The following ROBO2 variants were observed in gnomAD, a reference collection of about 807,000 sequenced individuals.
ROBO2 encodes roundabout homolog 2.
A neutral mutation model predicts 160.8 loss-of-function variants in ROBO2; 53 were observed. The observed-to-expected ratio is 0.33, with a 90% CI of 0.26 to 0.41. ROBO2 has a LOEUF of 0.41. ROBO2 is among the 10% of genes least tolerant of loss of function. The pLI, the probability that ROBO2 is intolerant of heterozygous loss-of-function variation, is 1.00. For missense variants in ROBO2, 1,577 were observed against 1,722.4 expected (o/e 0.92, Z 1.49); for synonymous variants, 664 against 611.7 (o/e 1.09, Z -1.26).
intron 2 of ROBO2, among the ~76,000 whole-genome samples, chr3:76,720,284 G>C (rs1286542677): frequency 1.2e-4 from 18 of 152,118 alleles, no homozygotes; most frequent in Non-Finnish European, 2.9e-5. Context: ...CCTGAAATGT[G>C]AGGAAAGGAA....
intron 2 of ROBO2, among the ~76,000 whole-genome samples, chr3:76,017,085 C>G (rs1388750825): frequency 6.6e-6 from 1 of 152,108 alleles, no homozygotes; most frequent in African/African-American, 2.4e-5. Context: ...GAAAGAATGC[C>G]TTTTCTTCTG....
intron 2 of ROBO2, among the ~76,000 whole-genome samples, chr3:76,507,245 A>G (rs1040832127): frequency 2.0e-5 from 3 of 152,106 alleles, no homozygotes; most frequent in South Asian, 2.1e-4. Context: ...GCATGAAGAT[A>G]ATAAGTTTTA....
At chr3:77,310,830 G>T (rs1425887726) in intron 2 of ROBO2, among the ~76,000 whole-genome samples, 10 of 149,104 alleles carry the variant, frequency 6.7e-5, no homozygotes, top group Non-Finnish European at 1.5e-4. Context: ...ATTCAGTGTG[G>T]ATAGTAGTTT....
rs1368030643 is a variant in ROBO2 at position 76,722,838 on chromosome 3, A to G, written c.110-375176A>G. On this transcript the variant is annotated intron_variant, in intron 2 of 26. Coordinates refer to the ROBO2 transcript ENST00000487694. ...GTGTTTCATCACATTTTGGTTATCA[A>G]TTTACCAGTTAATGGGCATTGGATT... Among the ~76,000 whole-genome samples, 4 of 152,172 alleles carry G rather than the reference A, an allele frequency of 2.6e-5. No homozygotes were observed. In the East Asian group the frequency reaches 7.7e-4, roughly 29 times the overall value.
intron 2 of ROBO2, among the ~76,000 whole-genome samples, chr3:76,652,639 A>G (rs2109906873): frequency 6.6e-6 from 1 of 152,286 alleles, no homozygotes; most frequent in East Asian, 1.9e-4. Flanking sequence ...TTTATACTTC[A>G]TGACTTTTTG....
chr3:76,797,301 AAAT>A (rs1347502427), intron 2 of ROBO2, among the ~76,000 whole-genome samples: 3 of 152,154 alleles, frequency 2.0e-5, no homozygotes, highest in Non-Finnish European at 2.9e-5. Context: ...AAGAAACTAC[AAAT>A]ATGTGGAAAT....
At chr3:76,499,538 C>T (rs912145932) in intron 2 of ROBO2, among the ~76,000 whole-genome samples, 42 of 152,120 alleles carry the variant, frequency 2.8e-4, no homozygotes, top group Admixed American at 6.6e-5. Context: ...TCTGGACAAA[C>T]ATTATGGAAA....
intron 2 of ROBO2, among the ~76,000 whole-genome samples, chr3:76,019,236 A>G (rs1349565217): frequency 6.6e-6 from 1 of 151,166 alleles, no homozygotes; most frequent in Non-Finnish European, 1.5e-5. Flanking sequence ...ATTGTCTAAT[A>G]TTTGCGTTAT....
Position 76,342,901 on chromosome 3 carries a change from C to T in ROBO2, c.109+405299C>T, listed in dbSNP as rs961086759. ...ATTAGTGACACAGTTGTTTGAATGG[C>T]CAATTTTATGTAACTACAGAATGAT... is the stretch of plus-strand genomic sequence containing the variant. On this transcript the variant is annotated intron_variant, in intron 2 of 26. Coordinates refer to the ROBO2 transcript ENST00000487694. 7.2e-5 allele frequency among the ~76,000 whole-genome samples: 11 copies of T among 151,998 alleles called. No homozygotes were observed. The East Asian group carries it at 1.9e-3, about 27-fold the overall frequency.
At chr3:76,798,354 CA>C (rs759119524) in intron 2 of ROBO2, among the ~76,000 whole-genome samples, 106 of 151,812 alleles carry the variant, frequency 7.0e-4, no homozygotes, top group Non-Finnish European at 1.0e-3. Context: ...TTATGTTGAG[CA>C]TTTATGCAAA....
intron 2 of ROBO2, among the ~76,000 whole-genome samples, chr3:77,266,187 ACTT>A (rs2059111327): frequency 6.7e-6 from 1 of 148,908 alleles, no homozygotes; most frequent in South Asian, 2.1e-4. Flanking sequence ...ATTTATTTCT[ACTT>A]TTTTTTTTTT....
chr3:76,494,266 A>G (rs1232124851), intron 2 of ROBO2, among the ~76,000 whole-genome samples: 1 of 152,228 alleles, frequency 6.6e-6, no homozygotes, highest in Non-Finnish European at 1.5e-5. Context: ...CTACCCTCTT[A>G]GGGTACTTTA....
intron 2 of ROBO2, among the ~76,000 whole-genome samples, chr3:76,453,926 G>A (rs1181651677): frequency 6.6e-6 from 1 of 151,998 alleles, no homozygotes; most frequent in Non-Finnish European, 1.5e-5. Flanking sequence ...AAAGAAATAA[G>A]GACATTCATG....
intron 2 of ROBO2, among the ~76,000 whole-genome samples, chr3:77,440,687 G>A (rs2079824718): frequency 6.6e-6 from 1 of 152,148 alleles, no homozygotes; most frequent in South Asian, 2.1e-4. Context: ...TCAATTGCAA[G>A]ACCTATGTGA....
At chr3:76,275,921 GA>G (rs1354199484) in intron 2 of ROBO2, among the ~76,000 whole-genome samples, 2 of 152,000 alleles carry the variant, frequency 1.3e-5, no homozygotes, top group East Asian at 1.9e-4. Context: ...AAAGAACTCG[GA>G]GGGGGGGAGC....
chr3:77,420,051 G>A (rs551615668), intron 2 of ROBO2, among the ~76,000 whole-genome samples: 2 of 152,034 alleles, frequency 1.3e-5, no homozygotes, highest in South Asian at 2.1e-4. Context: ...AGAACCATTG[G>A]TGTAGGTTTA....
At chr3:76,028,829 T>G (rs2107696193) in intron 2 of ROBO2, among the ~76,000 whole-genome samples, 1 of 152,080 alleles carries the variant, frequency 6.6e-6, no homozygotes, top group South Asian at 2.1e-4. Context: ...ATTAAAAATT[T>G]TTACATAAAA....
At chr3:76,583,941 A>C (rs2108755487) in intron 2 of ROBO2, among the ~76,000 whole-genome samples, 1 of 152,240 alleles carries the variant, frequency 6.6e-6, no homozygotes, top group East Asian at 1.9e-4. Flanking sequence ...GGTTATTTTT[A>C]AGTGGTTTTC....
At chr3:77,352,499 A>C (rs1364099857) in intron 2 of ROBO2, among the ~76,000 whole-genome samples, 5 of 152,174 alleles carry the variant, frequency 3.3e-5, no homozygotes, top group African/African-American at 9.6e-5. Context: ...AGTCAATGAC[A>C]TCCTGATGGG....
Sources: gnomAD v4.1 joint callset for allele counts (sites outside exome capture counted in the v4.1 genomes callset) on GRCh38, gnomAD v4.1.1 for gene constraint, MANE v1.5 for transcripts, NCBI Gene and HGNC (gene_info 2026-07-23, HGNC 2026-07-21) for gene names.